Variants in MAN1A2 observed in about 807,000 individuals in gnomAD.
MAN1A2 encodes the protein mannosidase alpha class 1A member 2.
Under a neutral mutation model 75.7 loss-of-function variants are expected in MAN1A2, and 26 were observed. The ratio of observed to expected loss-of-function variants is 0.34; its 90% CI spans 0.25 to 0.48. The LOEUF is 0.48. Among genes scored for constraint, MAN1A2 ranks in the 20% least tolerant of loss-of-function variants. MAN1A2 has a pLI of 0.99. For missense variants in MAN1A2, 562 were observed against 775.5 expected, an observed-to-expected ratio of 0.72 and a Z score of 3.27; for synonymous variants, 247 against 264.6, an observed-to-expected ratio of 0.93 and a Z score of 0.65.
rs10923280 is a variant in MAN1A2 at position 117,389,526 on chromosome 1, A to C, written c.303-12660A>C. On this transcript the variant is annotated intron_variant, in intron 1 of 12. Transcript: ENST00000356554. Reference sequence around the variant, plus strand: ...CCTCCTGCTTGCCAGCCGAGTTCCTAACAGGCCCTGGACTGGTACTGATCT... The same window carrying C: ...CCTCCTGCTTGCCAGCCGAGTTCCTCACAGGCCCTGGACTGGTACTGATCT... 3.8e-3 allele frequency among the ~76,000 whole-genome samples: 581 copies of C among 152,188 alleles called. 7 individuals carry two copies. The highest frequency in any genetic ancestry group is 0.013 in the African/African-American group (553 of 41,522).
chr1:117,518,154 C>T (rs1206677198), intron 12 of MAN1A2, among the ~76,000 whole-genome samples: 1 of 151,896 alleles, frequency 6.6e-6, no homozygotes, highest in Non-Finnish European at 1.5e-5. Flanking sequence ...TATAAAGAAG[C>T]TCGTCTGATT....
intron 6 of MAN1A2, among the ~76,000 whole-genome samples, chr1:117,459,059 A>G (rs1024537855): frequency 6.6e-6 from 1 of 152,128 alleles, no homozygotes; most frequent in Admixed American, 6.6e-5. Flanking sequence ...GTAGAGCTTG[A>G]GGGGCTGTGA....
chr1:117,422,849 C>CTT (rs1430730966), intron 5 of MAN1A2, among the ~76,000 whole-genome samples: 2 of 152,030 alleles, frequency 1.3e-5, no homozygotes, highest in Non-Finnish European at 2.9e-5. Flanking sequence ...ATTATTTTCT[C>CTT]TATCTGTGGC....
At chr1:117,445,729 C>T (rs996893884) in intron 6 of MAN1A2, among the ~76,000 whole-genome samples, 11 of 151,436 alleles carry the variant, frequency 7.3e-5, no homozygotes, top group African/African-American at 2.4e-4. Flanking sequence ...CTCTCACTGT[C>T]TTGCCTAGTC....
At chr1:117,449,735 A>G (rs1649346278) in intron 6 of MAN1A2, among the ~76,000 whole-genome samples, 1 of 152,214 alleles carries the variant, frequency 6.6e-6, no homozygotes, top group African/African-American at 2.4e-5. Flanking sequence ...GAATGATGAG[A>G]AAGTGAAATA....
chr1:117,421,240 G>A (rs1004604123), intron 5 of MAN1A2, among the ~76,000 whole-genome samples: 7 of 151,910 alleles, frequency 4.6e-5, no homozygotes, highest in Non-Finnish European at 7.4e-5. Flanking sequence ...AAAGGAAGAG[G>A]TTATAAGTCA....
At chr1:117,428,784 CTTTTTTTTT>C (rs780515731) in intron 5 of MAN1A2, among the ~76,000 whole-genome samples, 3 of 110,206 alleles carry the variant, frequency 2.7e-5, no homozygotes, top group African/African-American at 1.1e-4. Flanking sequence ...GGAGACCTTT[CTTTTTTTTT>C]TTTTTTTTTT....
intron 1 of MAN1A2, among the ~76,000 whole-genome samples, chr1:117,380,442 T>C (rs1653294635): frequency 6.6e-6 from 1 of 152,166 alleles, no homozygotes; most frequent in African/African-American, 2.4e-5. Flanking sequence ...AAATCCAGAG[T>C]CATGAAGATT....
At chr1:117,510,902 A>G (rs1202089520) in intron 12 of MAN1A2, among the ~76,000 whole-genome samples, 3 of 151,980 alleles carry the variant, frequency 2.0e-5, no homozygotes, top group Admixed American at 1.3e-4. Context: ...CAAACCCTTC[A>G]TTATTCTCTG....
At chr1:117,402,517 G>T in intron 2 of MAN1A2, 76 bp downstream of exon 2, 2 of 1,381,880 alleles carry the variant, frequency 1.4e-6, no homozygotes, top group Non-Finnish European at 2.0e-6. Context: ...ATAATCTATG[G>T]TATCCTGTTT....
At chr1:117,465,225 T>C (rs1000851410) in intron 7 of MAN1A2, among the ~76,000 whole-genome samples, 1 of 152,092 alleles carries the variant, frequency 6.6e-6, no homozygotes, top group African/African-American at 2.4e-5. Flanking sequence ...CTAGTAAATG[T>C]GTGGAAATAA....
chr1:117,426,221 T>A (rs1327592523), intron 5 of MAN1A2, among the ~76,000 whole-genome samples: 1 of 152,042 alleles, frequency 6.6e-6, no homozygotes, highest in Admixed American at 6.5e-5. Flanking sequence ...GGTCTTTTTT[T>A]TTTCATTTGG....
intron 3 of MAN1A2, among the ~76,000 whole-genome samples, chr1:117,413,117 A>G (rs1647876986): frequency 6.6e-6 from 1 of 151,944 alleles, no homozygotes; most frequent in Non-Finnish European, 1.5e-5. Context: ...ATGGCTTGAT[A>G]CCATTTTTAT....
intron 2 of MAN1A2, 137 bp from the exon 3 acceptor site, chr1:117,405,412 A>T: frequency 1.6e-6 from 1 of 639,752 alleles, no homozygotes; most frequent in Non-Finnish European, 2.8e-6. Context: ...TACTGATACA[A>T]ATGCTAATTG....
intron 5 of MAN1A2, among the ~76,000 whole-genome samples, chr1:117,439,305 G>T (rs753811848): frequency 1.3e-5 from 2 of 151,970 alleles, no homozygotes; most frequent in Admixed American, 6.6e-5. Context: ...GCCATTTGAG[G>T]GTTCTAAACT....
intron 12 of MAN1A2, among the ~76,000 whole-genome samples, chr1:117,506,087 A>G (rs1651352825): frequency 6.6e-6 from 1 of 151,364 alleles, no homozygotes; most frequent in South Asian, 2.1e-4. Context: ...CTGTAGTTTT[A>G]TTGTAAAAAT....
At chr1:117,493,363 C>G (rs781057408) in intron 9 of MAN1A2, 101 bp downstream of exon 9, 4 of 615,662 alleles carry the variant, frequency 6.5e-6, no homozygotes, top group Non-Finnish European at 1.1e-5. Flanking sequence ...TATAGACATT[C>G]AGTAAATACA....
At chr1:117,514,468 T>C (rs904513820) in intron 12 of MAN1A2, among the ~76,000 whole-genome samples, 1 of 152,154 alleles carries the variant, frequency 6.6e-6, no homozygotes, top group Non-Finnish European at 1.5e-5. Flanking sequence ...GATGTTATTG[T>C]CGTATCCTCT....
intron 7 of MAN1A2, among the ~76,000 whole-genome samples, chr1:117,465,043 G>A (rs547035773): frequency 5.5e-4 from 83 of 152,252 alleles, no homozygotes; most frequent in Non-Finnish European, 1.0e-3. Flanking sequence ...CTTCATCTCT[G>A]TAGAACAAGT....
Sources: gnomAD v4.1 joint callset for allele counts (sites outside exome capture counted in the v4.1 genomes callset) on GRCh38, gnomAD v4.1.1 for gene constraint, MANE v1.5 for transcripts, NCBI Gene and HGNC (gene_info 2026-07-23, HGNC 2026-07-21) for gene names.